Variants in APIP observed in about 807,000 individuals in gnomAD.
APIP encodes methylthioribulose-1-phosphate dehydratase.
A neutral mutation model predicts 32.0 loss-of-function variants in APIP; 32 were observed. The observed-to-expected ratio is 1.00, with a 90% CI of 0.76 to 1.34. The LOEUF is 1.34. Among genes scored for constraint, APIP ranks in the 40% most tolerant of loss-of-function variants. The pLI, the probability that APIP is intolerant of heterozygous loss-of-function variation, is 0.00. For synonymous variants in APIP, 92 were observed against 94.8 expected, an observed-to-expected ratio of 0.97 and a Z score of 0.17; for missense variants, 247 against 298.6, an observed-to-expected ratio of 0.83 and a Z score of 1.27.
intron 1 of APIP, among the ~76,000 whole-genome samples, chr11:34,906,047 C>T (rs1022001578): frequency 6.6e-6 from 1 of 152,168 alleles, no homozygotes; most frequent in South Asian, 2.1e-4. Flanking sequence ...TATGGATATC[C>T]TTATCCCAAG....
At position 34,913,866 on chromosome 11, in the gene APIP, G is replaced by A. The variant is rs561915126; in HGVS notation, c.57+2362C>T. 2.0e-5 allele frequency among the ~76,000 whole-genome samples: 3 copies of A among 152,246 alleles called. No homozygotes were observed. In the East Asian group the frequency reaches 5.8e-4, roughly 29 times the overall value. On this transcript the variant is annotated intron_variant, in intron 1 of 6. Transcript: ENST00000395787. ...TTAGCTAGACAGAAAAGTTCTCCAA[G>A]TCCCCATCCGACCCAGAAGCCCAGC...
At chr11:34,906,444 C>G (rs1853458129) in intron 1 of APIP, among the ~76,000 whole-genome samples, 1 of 152,144 alleles carries the variant, frequency 6.6e-6, no homozygotes, top group Admixed American at 6.5e-5. Context: ...TTAGAAAAAC[C>G]ATGAATGGGA....
At chr11:34,905,140 G>T (rs1374143147) in intron 1 of APIP, among the ~76,000 whole-genome samples, 2 of 152,214 alleles carry the variant, frequency 1.3e-5, no homozygotes, top group Non-Finnish European at 2.9e-5. Context: ...AATTACTGTA[G>T]CATTCTGCTT....
chr11:34,916,200 T>A, intron 1 of APIP, 28 bp downstream of exon 1: 1 of 1,603,318 alleles, frequency 6.2e-7, no homozygotes, highest in Non-Finnish European at 8.5e-7. Flanking sequence ...CTCCTGGGAA[T>A]ACCGGGCACC....
At chr11:34,898,786 G>GTTTTTT (rs57593563) in intron 1 of APIP, among the ~76,000 whole-genome samples, 12 of 55,198 alleles carry the variant, frequency 2.2e-4, no homozygotes, top group Non-Finnish European at 3.1e-4. Context: ...TCTTTCTTTG[G>GTTTTTT]TTTTTTTTTT....
At chr11:34,902,697 G>A (rs1853387193) in intron 1 of APIP, among the ~76,000 whole-genome samples, 1 of 152,114 alleles carries the variant, frequency 6.6e-6, no homozygotes, top group Non-Finnish European at 1.5e-5. Flanking sequence ...TTTTAACCTG[G>A]GAACCTGAAG....
chr11:34,914,796 G>A (rs1459296097), intron 1 of APIP, among the ~76,000 whole-genome samples: 2 of 152,032 alleles, frequency 1.3e-5, no homozygotes, highest in Admixed American at 6.6e-5. Flanking sequence ...CTGAGATAAC[G>A]AGTTCGAGAC....
chr11:34,889,808 C>G (rs979803455), intron 3 of APIP, among the ~76,000 whole-genome samples: 1 of 152,116 alleles, frequency 6.6e-6, no homozygotes, highest in African/African-American at 2.4e-5. Context: ...CTGCAAAGGA[C>G]ATGATCTTGT....
intron 2 of APIP, 142 bp from the exon 3 acceptor site, chr11:34,890,694 T>G: frequency 1.2e-6 from 1 of 813,098 alleles, no homozygotes; most frequent in South Asian, 2.0e-5. Flanking sequence ...TTTGGCTGCA[T>G]AGAAAGAAAG....
intron 5 of APIP, among the ~76,000 whole-genome samples, chr11:34,885,718 T>C (rs559061520): frequency 3.2e-4 from 49 of 152,268 alleles, no homozygotes; most frequent in Admixed American, 2.0e-3. Flanking sequence ...AGCAAACCTT[T>C]TGGTGGCAGG....
At chr11:34,907,996 T>C (rs1475096807) in intron 1 of APIP, among the ~76,000 whole-genome samples, 1 of 152,166 alleles carries the variant, frequency 6.6e-6, no homozygotes, top group African/African-American at 2.4e-5. Context: ...TAGGCATATA[T>C]TCCTCAGATA....
intron 1 of APIP, among the ~76,000 whole-genome samples, chr11:34,902,858 C>T (rs777094189): frequency 3.2e-4 from 49 of 152,158 alleles, no homozygotes; most frequent in Non-Finnish European, 6.2e-4. Context: ...GCTCAACAGT[C>T]AATGGGTTAC....
At chr11:34,890,453 A>AATT (rs1490988205) in intron 3 of APIP, 51 bp downstream of exon 3, 1 of 1,513,660 alleles carries the variant, frequency 6.6e-7, no homozygotes, top group Admixed American at 2.1e-5. Flanking sequence ...ATTTCATAAA[A>AATT]CAGTAATTAA....
At chr11:34,908,255 C>T (rs779425290) in intron 1 of APIP, among the ~76,000 whole-genome samples, 1 of 152,188 alleles carries the variant, frequency 6.6e-6, no homozygotes, top group Non-Finnish European at 1.5e-5. Context: ...CGTTAACTGC[C>T]AGGATTCCAC....
At chr11:34,898,785 GGTTTTTTTTTTTT>G (rs1269975041) in intron 1 of APIP, among the ~76,000 whole-genome samples, 3 of 92,114 alleles carry the variant, frequency 3.3e-5, no homozygotes, top group African/African-American at 1.3e-4. Context: ...TTCTTTCTTT[GGTTTTTTTTTTTT>G]TTTTTTTTTT....
chr11:34,900,201 T>C (rs1853352100), intron 1 of APIP, among the ~76,000 whole-genome samples: 1 of 152,218 alleles, frequency 6.6e-6, no homozygotes, highest in East Asian at 1.9e-4. Context: ...TTACAAGTCC[T>C]GGACAACTGA....
chr11:34,903,344 C>T (rs7111607), intron 1 of APIP, among the ~76,000 whole-genome samples: 28,825 of 152,182 alleles, frequency 0.19, 3,903 homozygotes, highest in African/African-American at 0.39. Context: ...AATGACGTCA[C>T]CAAAAGTGCA....
chr11:34,900,175 T>C (rs771981516), intron 1 of APIP, among the ~76,000 whole-genome samples: 8 of 152,230 alleles, frequency 5.3e-5, no homozygotes, highest in Non-Finnish European at 1.0e-4. Flanking sequence ...TTCTTTGCCC[T>C]GTGAAACCCA....
intron 6 of APIP, among the ~76,000 whole-genome samples, chr11:34,883,056 C>T (rs1852993639): frequency 6.6e-6 from 1 of 152,152 alleles, no homozygotes; most frequent in Non-Finnish European, 1.5e-5. Context: ...TTAAAATATA[C>T]TGCCTACATA....
Sources: allele counts gnomAD v4.1 joint callset (sites outside exome capture counted in the v4.1 genomes callset), GRCh38; gene constraint gnomAD v4.1.1; transcripts MANE v1.5; gene names NCBI Gene and HGNC (gene_info 2026-07-23, HGNC 2026-07-21).